HPS3: variants seen among roughly 807,000 people sequenced by gnomAD.
HPS3 encodes the protein BLOC-2 complex member HPS3.
A neutral mutation model predicts 110.9 loss-of-function variants in HPS3; 79 were observed. The observed-to-expected ratio is 0.71, with a 90% CI of 0.59 to 0.86. The LOEUF (loss-of-function observed/expected upper bound fraction) is 0.86, where lower values mean the gene tolerates loss of function less well. Ranked by LOEUF, HPS3 falls within the 40% of genes least tolerant of loss-of-function variation. HPS3 has a pLI of 0.00. For missense variants in HPS3, 1,197 were observed against 1,206.2 expected, an observed-to-expected ratio of 0.99 and a Z score of 0.11; for synonymous variants, 428 against 451.0, an observed-to-expected ratio of 0.95 and a Z score of 0.65.
intron 5 of HPS3, among the ~76,000 whole-genome samples, chr3:149,146,607 G>A (rs1722791019): frequency 6.6e-6 from 1 of 152,224 alleles, no homozygotes; most frequent in African/African-American, 2.4e-5. Flanking sequence ...TCTAGCAGGT[G>A]CTGGAGATTC....
chr3:149,148,935 T>A (rs1054266823), intron 5 of HPS3, among the ~76,000 whole-genome samples: 1 of 147,862 alleles, frequency 6.8e-6, no homozygotes, highest in African/African-American at 2.5e-5. Flanking sequence ...TGGAGGTAAG[T>A]CAGGGAACCC....
At chr3:149,165,158 C>T (rs1323301698) in intron 14 of HPS3, among the ~76,000 whole-genome samples, 1 of 152,102 alleles carries the variant, frequency 6.6e-6, no homozygotes, top group Admixed American at 6.6e-5. Context: ...AGATTTTGTT[C>T]ATTTCACGAA....
chr3:149,161,620 C>T (rs1261694088), intron 11 of HPS3, among the ~76,000 whole-genome samples: 1 of 151,196 alleles, frequency 6.6e-6, no homozygotes, highest in Non-Finnish European at 1.5e-5. Flanking sequence ...AGCGATTCTC[C>T]TGCCTCAGCC....
chr3:149,144,297 C>T (rs1295285099), intron 4 of HPS3, among the ~76,000 whole-genome samples: 4 of 151,848 alleles, frequency 2.6e-5, no homozygotes, highest in South Asian at 4.2e-4. Context: ...GCAGGAGAAT[C>T]GTTTGAACCC....
At chr3:149,133,047 G>C (rs563566596) in intron 1 of HPS3, among the ~76,000 whole-genome samples, 1 of 152,278 alleles carries the variant, frequency 6.6e-6, no homozygotes, top group African/African-American at 2.4e-5. Flanking sequence ...CAAAGAAAGT[G>C]GTTTCTTGAG....
rs550087221 is a variant in HPS3, at chr3:149,172,399, G to A, written c.*177G>A. 1 of 557,238 alleles carries A rather than the reference G, an allele frequency of 1.8e-6. No individual in the cohort carries two copies. The highest frequency in any genetic ancestry group is 3.1e-5 in the East Asian group (1 of 32,094). The allele number at this position is 557,238 out of a possible 1,614,324, so 34.5% of individuals were successfully genotyped here. On this transcript the variant is annotated 3_prime_UTR_variant, in exon 17 of 17. Transcript: ENST00000296051. ...TTCAGGCTGCTTACCTTACCGTGTA[G>A]TGGTAACTATTCACTTCTTAATTTA...
intron 1 of HPS3, among the ~76,000 whole-genome samples, chr3:149,133,988 T>TTAA (rs376461926): frequency 6.6e-6 from 1 of 151,810 alleles, no homozygotes; most frequent in Non-Finnish European, 1.5e-5. Context: ...TGTTTTTTTT[T>TTAA]AAAAAAAATG....
intron 8 of HPS3, 148 bp downstream of exon 8, chr3:149,155,363 GCCT>G: frequency 1.5e-6 from 1 of 652,504 alleles, no homozygotes; most frequent in Non-Finnish European, 2.8e-6. Flanking sequence ...ATCTCTCTCT[GCCT>G]CCTCATTGTT....
At chr3:149,144,242 G>T (rs562604806) in intron 4 of HPS3, among the ~76,000 whole-genome samples, 3 of 151,626 alleles carry the variant, frequency 2.0e-5, no homozygotes, top group Middle Eastern at 3.4e-3. Context: ...AATTAGCCAG[G>T]CATGGTGGTG....
chr3:149,132,641 T>C (rs1466884051), intron 1 of HPS3, among the ~76,000 whole-genome samples: 4 of 152,236 alleles, frequency 2.6e-5, no homozygotes, highest in Non-Finnish European at 4.4e-5. Flanking sequence ...CCGCAGCCCA[T>C]GGATCAAGTA....
intron 11 of HPS3, among the ~76,000 whole-genome samples, chr3:149,160,662 A>T (rs546621011): frequency 3.3e-5 from 5 of 152,308 alleles, no homozygotes; most frequent in Admixed American, 3.3e-4. Context: ...GAGCTTTAGG[A>T]GTCTAGTAGT....
chr3:149,157,760 G>A (rs1402806490), intron 9 of HPS3, among the ~76,000 whole-genome samples: 1 of 152,222 alleles, frequency 6.6e-6, no homozygotes, highest in Admixed American at 6.5e-5. Flanking sequence ...CAGTTTAGAA[G>A]ATGAGCAGTA....
In HPS3 at chr3:149,145,418, T is replaced by A. The variant is rs1427624982; in HGVS notation, c.1035T>A (p.Phe345Leu). ...AAGAATTGCTGAGTCTCTTTTGCTT[T>A]TTCTCCTTACCTCATGTGGGCTATC... ...QEKELLSLFCFFSLPHVGYLY... is the reference protein window; with the variant it reads ...QEKELLSLFCLFSLPHVGYLY... The change falls in exon 5 of 17, where the codon TTT (phenylalanine) becomes TTA (leucine). Residue 345 changes from phenylalanine to leucine, a missense_variant. Physicochemically the swap from Phe to Leu is conservative, Grantham distance 22 (BLOSUM62 0). Transcript: ENST00000296051. 6.2e-7 allele frequency: 1 copy of A among 1,614,036 alleles called. No homozygotes were observed. The highest frequency in any genetic ancestry group is 8.5e-7 in the Non-Finnish European group (1 of 1,180,012).
At chr3:149,131,596 C>T (rs1048701098) in intron 1 of HPS3, among the ~76,000 whole-genome samples, 3 of 152,134 alleles carry the variant, frequency 2.0e-5, no homozygotes, top group African/African-American at 7.2e-5. Context: ...CTGCTCTGAT[C>T]GTCTCTGCCT....
Position 149,167,940 on chromosome 3 carries a change from A to G in HPS3, c.2844A>G (p.Lys948=). 1 of 1,607,458 alleles carries G rather than the reference A, an allele frequency of 6.2e-7. No individual in the cohort carries two copies. The highest frequency in any genetic ancestry group is 1.1e-5 in the South Asian group (1 of 90,936). Residue 948 remains lysine (K), a synonymous_variant, in exon 16 of 17, where the codon AAA becomes AAG. Transcript: ENST00000296051. The part of the protein sequence containing the change: ...KLLPELCQRI[K]CGGEKYQLYL... ...TGCCTGAACTTTGTCAGAGAATAAA[A>G]TGTGGTGGAGAGAAGTATCAACTCT...
At chr3:149,156,833 G>T (rs768946582) in intron 8 of HPS3, among the ~76,000 whole-genome samples, 3 of 151,990 alleles carry the variant, frequency 2.0e-5, no homozygotes, top group East Asian at 1.9e-4. Flanking sequence ...TGATTTGACC[G>T]CTAGAGTCTG....
intron 8 of HPS3, among the ~76,000 whole-genome samples, chr3:149,156,574 C>CA (rs751828409): frequency 7.4e-6 from 1 of 135,456 alleles, no homozygotes; most frequent in African/African-American, 2.7e-5. Flanking sequence ...TTAGGGTTTG[C>CA]TTTTTTTTTT....
At position 149,162,331 on chromosome 3, in the gene HPS3, A is replaced by C. The variant is rs934323844; in HGVS notation, c.2290A>C (p.Lys764Gln). Residue 764 changes from lysine to glutamine, a missense_variant and splice_region_variant, in exon 12 of 17, where the codon AAG becomes CAG. By Grantham distance (53) the Lys-to-Gln change is moderately conservative. Coordinates refer to ENST00000296051, the MANE Select transcript of HPS3 (RefSeq NM_032383.5). Reference sequence around the variant, plus strand: ...AATTGAAGAAGCAGATTCCTTTTTTAAGGTTTGTCACTTTGAAAATGTGAT... The same window carrying C: ...AATTGAAGAAGCAGATTCCTTTTTTCAGGTTTGTCACTTTGAAAATGTGAT... ...IGIEEADSFF[K>Q]VLCAKDEDTI... 1.2e-6 allele frequency: 2 copies of C among 1,613,698 alleles called. No individual in the cohort carries two copies. The highest frequency in any genetic ancestry group is 3.3e-5 in the Admixed American group (2 of 59,946).
At chr3:149,134,707 G>A (rs1183652310) in intron 1 of HPS3, among the ~76,000 whole-genome samples, 1 of 152,150 alleles carries the variant, frequency 6.6e-6, no homozygotes, top group African/African-American at 2.4e-5. Context: ...GGCTGCAGGA[G>A]GCCATGAGTA....
Sources: gnomAD v4.1 joint callset for allele counts (sites outside exome capture counted in the v4.1 genomes callset) on GRCh38, gnomAD v4.1.1 for gene constraint, MANE v1.5 for transcripts, NCBI Gene and HGNC (gene_info 2026-07-23, HGNC 2026-07-21) for gene names.